The following BHMT variants were observed in gnomAD, a reference collection of about 807,000 sequenced individuals.
The protein encoded by BHMT is betaine--homocysteine S-methyltransferase, also known as betaine--homocysteine S-methyltransferase 1.
A neutral mutation model predicts 49.5 loss-of-function variants in BHMT; 38 were observed. The observed-to-expected ratio is 0.77, with a 90% CI of 0.59 to 1.01. The LOEUF is 1.01. Among genes scored for constraint, BHMT ranks in the 50% least tolerant of loss-of-function variants. The probability of loss-of-function intolerance (pLI) is 0.00; values close to 1 mark genes in which losing one functional copy is unlikely to be tolerated. For missense variants in BHMT, 426 were observed against 495.7 expected, an observed-to-expected ratio of 0.86 and a Z score of 1.34; for synonymous variants, 166 against 176.3, an observed-to-expected ratio of 0.94 and a Z score of 0.46.
chr5:79,127,550 G>A (rs1756570880), intron 6 of BHMT, among the ~76,000 whole-genome samples: 1 of 152,096 alleles, frequency 6.6e-6, no homozygotes, highest in South Asian at 2.1e-4. Flanking sequence ...CAAAGGGCAG[G>A]GGTCATTTGG....
intron 1 of BHMT, among the ~76,000 whole-genome samples, chr5:79,115,453 T>G (rs1375380008): frequency 1.3e-5 from 2 of 151,962 alleles, no homozygotes; most frequent in Admixed American, 1.3e-4. Flanking sequence ...TACAACAAAA[T>G]CTTTTCATTT....
At chr5:79,117,341 T>C (rs1174378636) in intron 2 of BHMT, among the ~76,000 whole-genome samples, 1 of 152,174 alleles carries the variant, frequency 6.6e-6, no homozygotes, top group Non-Finnish European at 1.5e-5. Context: ...ACCTAGTATA[T>C]AGGCCTTTCA....
chr5:79,119,231 T>C lies in BHMT; in HGVS notation c.167-28T>C, dbSNP rs374909768. The C allele has an allele frequency of 1.6e-5, 24 of 1,529,446 alleles. No homozygotes were observed. The African/African-American group carries it at 3.1e-4, about 20-fold the overall frequency. 94.7% of individuals were successfully genotyped at this position (1,529,446 alleles called of 1,614,324 possible). A position where few individuals can be genotyped will look rare whatever the true frequency, so the allele number is the denominator to read the frequency against. The stretch of plus-strand genomic sequence containing the variant: ...AATATCGTGTGTTAATAAACAGAAA[T>C]TATACCTTTCCTCATTCACTCTCCC... On this transcript the variant is annotated intron_variant, in intron 2 of 7. Transcript: ENST00000274353.
intron 1 of BHMT, among the ~76,000 whole-genome samples, chr5:79,114,400 C>G (rs548768635): frequency 1.3e-5 from 2 of 152,258 alleles, no homozygotes; most frequent in African/African-American, 4.8e-5. Context: ...TGTTTCCTCT[C>G]TCTGAGCACC....
At chr5:79,122,165 A>C (rs923874301) in intron 5 of BHMT, among the ~76,000 whole-genome samples, 33 of 151,728 alleles carry the variant, frequency 2.2e-4, no homozygotes, top group Non-Finnish European at 4.3e-4. Context: ...CTGGTCTCGA[A>C]CTCCTGACCT....
chr5:79,116,000 T>C, intron 2 of BHMT, 101 bp downstream of exon 2: 1 of 1,373,788 alleles, frequency 7.3e-7, no homozygotes, highest in Non-Finnish European at 9.5e-7. Context: ...GGAAGACCAC[T>C]TGAGCCCAGG....
rs145803121 is a variant in BHMT at position 79,126,246 on chromosome 5, T to A, written c.808+18T>A. On this transcript the variant is annotated intron_variant, in intron 6 of 7. Transcript: ENST00000274353. ...CCCATTTGGTAAGACCAACATTTGATGAATCATCTCAATATCTTCATTTGA... is the reference window on the plus strand; with the variant it reads ...CCCATTTGGTAAGACCAACATTTGAAGAATCATCTCAATATCTTCATTTGA... 3.0e-5 allele frequency: 48 copies of A among 1,611,276 alleles called. No homozygotes were observed. In the South Asian group the frequency reaches 5.2e-4, roughly 17 times the overall value.
rs375195590 is a variant in BHMT at position 79,123,691 on chromosome 5, A to G, written c.625+2326A>G. ...CTCAGCCTCCCAAGTAGCTGGGATTACAGATGTGTACTACCACGTCCAGCT... is the reference window on the plus strand; with the variant it reads ...CTCAGCCTCCCAAGTAGCTGGGATTGCAGATGTGTACTACCACGTCCAGCT... On this transcript the variant is annotated intron_variant, in intron 5 of 7. Coordinates refer to ENST00000274353, the MANE Select transcript of BHMT (RefSeq NM_001713.3). Among the ~76,000 whole-genome samples the G allele has an allele frequency of 1.2e-4, 19 of 152,270 alleles. 1 individual carries two copies. The highest frequency in any genetic ancestry group is 5.9e-4 in the Admixed American group (9 of 15,300).
rs1756435355 is a variant in BHMT at position 79,119,489 on chromosome 5, A to G, written c.285+112A>G. On this transcript the variant is annotated intron_variant, in intron 3 of 7. Coordinates refer to ENST00000274353, the MANE Select transcript of BHMT (RefSeq NM_001713.3). Reference sequence around the variant, plus strand: ...TCTTCAGAGTTTTGTTTTATTTCTAATAATACAAAAATGAGAGGCGTGAAT... The same window carrying G: ...TCTTCAGAGTTTTGTTTTATTTCTAGTAATACAAAAATGAGAGGCGTGAAT... 4 of 792,794 alleles carry G rather than the reference A, an allele frequency of 5.0e-6. No individual in the cohort carries two copies. The Admixed American group carries it at 8.2e-5, about 16-fold the overall frequency. 49.1% of individuals were successfully genotyped at this position (792,794 alleles called of 1,614,324 possible). A position where few individuals can be genotyped will look rare whatever the true frequency, so the allele number is the denominator to read the frequency against.
At chr5:79,121,590 G>A (rs570796640) in intron 5 of BHMT, among the ~76,000 whole-genome samples, 1 of 152,210 alleles carries the variant, frequency 6.6e-6, no homozygotes, top group South Asian at 2.1e-4. Context: ...AGAGACGGGT[G>A]GATCATGAGG....
intron 1 of BHMT, among the ~76,000 whole-genome samples, chr5:79,114,687 T>C (rs940857547): frequency 1.3e-5 from 2 of 152,172 alleles, no homozygotes; most frequent in East Asian, 1.9e-4. Flanking sequence ...CAAATATAGA[T>C]GTTATTTAAG....
At chr5:79,127,577 G>A (rs1561255832) in intron 6 of BHMT, among the ~76,000 whole-genome samples, 178 bp from the exon 7 acceptor site, 1 of 152,146 alleles carries the variant, frequency 6.6e-6, no homozygotes, top group Non-Finnish European at 1.5e-5. Context: ...CTGAAGGCTG[G>A]ATACCACAGC....
chr5:79,128,887 G>A (rs1756595046), intron 7 of BHMT, among the ~76,000 whole-genome samples: 1 of 152,148 alleles, frequency 6.6e-6, no homozygotes, highest in Admixed American at 6.5e-5. Flanking sequence ...CAGTCTACTG[G>A]GTAAAAGAAT....
chr5:79,126,325 G>A, intron 6 of BHMT, 97 bp downstream of exon 6: 1 of 1,406,508 alleles, frequency 7.1e-7, no homozygotes, highest in Admixed American at 2.1e-5. Flanking sequence ...TCATAGTGAA[G>A]AGATGGCTTG....
intron 1 of BHMT, among the ~76,000 whole-genome samples, chr5:79,113,005 T>C (rs144355966): frequency 6.6e-6 from 1 of 152,176 alleles, no homozygotes; most frequent in Non-Finnish European, 1.5e-5. Flanking sequence ...GTAAGGACAG[T>C]GAGAAAGGTC....
intron 2 of BHMT, 23 bp from the exon 3 acceptor site, chr5:79,119,236 C>A: frequency 6.5e-7 from 1 of 1,546,110 alleles, no homozygotes; most frequent in Non-Finnish European, 8.8e-7. Context: ...AGAAATTATA[C>A]CTTTCCTCAT....
chr5:79,128,452 C>T (rs183470417), intron 7 of BHMT, among the ~76,000 whole-genome samples: 170 of 148,202 alleles, frequency 1.1e-3, no homozygotes, highest in African/African-American at 4.1e-3. Flanking sequence ...ATTGCTTGAA[C>T]CCGGGAGGCA....
In BHMT at chr5:79,121,242, G is replaced by A. The variant is rs745363372; in HGVS notation, c.502G>A (p.Val168Met). Residue 168 changes from valine to methionine, a missense_variant, in exon 5 of 8, where the codon GTG becomes ATG. Coordinates refer to ENST00000274353, the MANE Select transcript of BHMT (RefSeq NM_001713.3). Reference sequence around the variant, plus strand: ...GTATTTTGAACACGTTGAAGAAGCTGTGTGGGCAGTTGAAACCTTGATAGC... The same window carrying A: ...GTATTTTGAACACGTTGAAGAAGCTATGTGGGCAGTTGAAACCTTGATAGC... ...AEYFEHVEEA[V>M]WAVETLIASG... is the part of the protein sequence containing the mutation. The A allele has an allele frequency of 3.1e-6, 5 of 1,614,116 alleles. No homozygotes were observed. In the Middle Eastern group the frequency reaches 4.9e-4, roughly 160 times the overall value.
chr5:79,119,225 C>T (rs749474539), intron 2 of BHMT, 34 bp from the exon 3 acceptor site: 2 of 1,496,364 alleles, frequency 1.3e-6, no homozygotes. Context: ...TGTTAATAAA[C>T]AGAAATTATA....
Sources: allele counts gnomAD v4.1 joint callset (sites outside exome capture counted in the v4.1 genomes callset), GRCh38; gene constraint gnomAD v4.1.1; transcripts MANE v1.5; gene names NCBI Gene and HGNC (gene_info 2026-07-23, HGNC 2026-07-21).